Variants in KCNK12 observed in about 807,000 individuals in gnomAD.
KCNK12 encodes potassium channel subfamily K member 12.
In KCNK12, 6 loss-of-function variants were observed where a neutral mutation model predicts 25.3. The observed-to-expected ratio is 0.24, with a 90% CI of 0.13 to 0.47. The LOEUF (loss-of-function observed/expected upper bound fraction) is 0.47. KCNK12 is among the 20% of genes least tolerant of loss of function. KCNK12 has a pLI of 0.99. For synonymous variants in KCNK12, 331 were observed against 311.1 expected, an observed-to-expected ratio of 1.06 and a Z score of -0.67; for missense variants, 444 against 661.7, an observed-to-expected ratio of 0.67 and a Z score of 3.61.
chr2:47,550,378 CT>C (rs746872422), intron 1 of KCNK12, among the ~76,000 whole-genome samples: 62 of 103,174 alleles, frequency 6.0e-4, no homozygotes, highest in Admixed American at 1.3e-3. Context: ...TATTCACAGA[CT>C]TTTTTTTTTT....
chr2:47,554,951 A>T (rs865913681), intron 1 of KCNK12, among the ~76,000 whole-genome samples: 1 of 152,194 alleles, frequency 6.6e-6, no homozygotes, highest in Admixed American at 6.5e-5. Context: ...AAAAAGAGGA[A>T]TCAGGACAAC....
intron 1 of KCNK12, among the ~76,000 whole-genome samples, chr2:47,545,350 G>C (rs576987732): frequency 6.6e-6 from 1 of 152,220 alleles, no homozygotes; most frequent in Non-Finnish European, 1.5e-5. Context: ...GCTGCAGTGA[G>C]GGTAGCATTA....
intron 1 of KCNK12, among the ~76,000 whole-genome samples, chr2:47,522,279 A>C (rs1218502612): frequency 6.6e-6 from 1 of 152,160 alleles, no homozygotes; most frequent in East Asian, 1.9e-4. Flanking sequence ...GTGAATTACA[A>C]ATATTTACAT....
Position 47,569,915 on chromosome 2 carries a change from A to G in KCNK12, c.391+26T>C. The G allele has an allele frequency of 5.3e-6, 7 of 1,332,078 alleles. No individual in the cohort carries two copies. The highest frequency in any genetic ancestry group is 6.8e-6 in the Non-Finnish European group (7 of 1,034,426). 82.5% of individuals were successfully genotyped at this position (1,332,078 alleles called of 1,614,324 possible). On this transcript the variant is annotated intron_variant, in intron 1 of 1. Coordinates refer to ENST00000327876, the MANE Select transcript of KCNK12 (RefSeq NM_022055.2). The surrounding 1 kb of genome is among the most constrained non-coding windows in gnomAD (Gnocchi z 4.1). ...GGCAGGTGAAAGGCACAGAGAGGAA[A>G]GATGCGCGGGGGACGCGCCGCTCAC...
intron 1 of KCNK12, 61 bp from the exon 2 acceptor site, chr2:47,521,869 G>T: frequency 1.4e-6 from 2 of 1,411,680 alleles, no homozygotes; most frequent in Non-Finnish European, 9.3e-7. Flanking sequence ...CACTGGGCGA[G>T]GGTGGGGGGT....
At position 47,556,772 on chromosome 2, in the gene KCNK12, C is replaced by CCT. The variant is rs1669558729; in HGVS notation, c.391+13167_391+13168dup. Reference sequence around the variant, plus strand: ...AAAATAAGAGTGGGAGTGTAAAGGACCTGTAGGTCTTACAGCCAAAGGATT... The same window carrying CCT: ...AAAATAAGAGTGGGAGTGTAAAGGACCTCTGTAGGTCTTACAGCCAAAGGATT... On this transcript the variant is annotated intron_variant, in intron 1 of 1. Coordinates refer to ENST00000327876, the MANE Select transcript of KCNK12 (RefSeq NM_022055.2). The surrounding 1 kb of genome is among the most constrained non-coding windows in gnomAD (Gnocchi z 4.8). Among the ~76,000 whole-genome samples the CCT allele has an allele frequency of 6.6e-6, 1 of 152,070 alleles. No individual in the cohort carries two copies.
Position 47,511,809 on chromosome 2 carries a change from A to G in KCNK12, c.*9098T>C, listed in dbSNP as rs912562353. On this transcript the variant is annotated 3_prime_UTR_variant, in exon 2 of 2. Coordinates refer to ENST00000327876, the MANE Select transcript of KCNK12 (RefSeq NM_022055.2). This position sits in a 1 kb window ranked among gnomAD's most constrained non-coding sequence, Gnocchi z 4.3. The stretch of plus-strand genomic sequence containing the variant: ...CTGCGTTGTAGACTTTTCTGCAGTG[A>G]CAGAAATGTTCTATATCTGTGCTAT... Among the ~76,000 whole-genome samples the G allele has an allele frequency of 5.3e-5, 8 of 152,328 alleles. No homozygotes were observed. Among genetic ancestry groups the G allele is most frequent in the African/African-American group, 9.6e-5 (4 of 41,574 alleles).
rs1197551040 is a variant in KCNK12 at position 47,512,374 on chromosome 2, A to T, written c.*8533T>A. On this transcript the variant is annotated 3_prime_UTR_variant, in exon 2 of 2. Coordinates refer to ENST00000327876, the MANE Select transcript of KCNK12 (RefSeq NM_022055.2). ...CATGGAAAAGGAAACTTCGTGGGGGAAAGAGATCTGCTTGCAGTCGGCCAG... is the reference window on the plus strand; with the variant it reads ...CATGGAAAAGGAAACTTCGTGGGGGTAAGAGATCTGCTTGCAGTCGGCCAG... 11 of 1,612,178 alleles carry T rather than the reference A, an allele frequency of 6.8e-6. No individual in the cohort carries two copies. Among genetic ancestry groups the T allele is most frequent in the Non-Finnish European group, 9.3e-6 (11 of 1,179,658 alleles).
At position 47,513,907 on chromosome 2, in the gene KCNK12, C is replaced by T. The variant is rs1277628293; in HGVS notation, c.*7000G>A. ...CTCACTAGCACTACCTTGGTCCACC[C>T]TGCCATCTGCTTTCCTCCTCCACTC... On this transcript the variant is annotated 3_prime_UTR_variant, in exon 2 of 2. Coordinates refer to ENST00000327876, the MANE Select transcript of KCNK12 (RefSeq NM_022055.2). 6.6e-6 allele frequency among the ~76,000 whole-genome samples: 1 copy of T among 152,206 alleles called. No individual in the cohort carries two copies. Among genetic ancestry groups the T allele is most frequent in the East Asian group, 1.9e-4 (1 of 5,188 alleles).
At chr2:47,542,013 C>G (rs1174972062) in intron 1 of KCNK12, among the ~76,000 whole-genome samples, 4 of 152,100 alleles carry the variant, frequency 2.6e-5, no homozygotes, top group Admixed American at 2.6e-4. Flanking sequence ...AGCAGGGAGC[C>G]CAGGATGCAA....
At position 47,512,192 on chromosome 2, in the gene KCNK12, A is replaced by T; in HGVS notation, c.*8715T>A. The T allele has an allele frequency of 7.6e-7, 1 of 1,316,522 alleles. No homozygotes were observed. Among genetic ancestry groups the T allele is most frequent in the Non-Finnish European group, 1.0e-6 (1 of 971,452 alleles). 81.6% of individuals were successfully genotyped at this position (1,316,522 alleles called of 1,614,324 possible). A position where few individuals can be genotyped will look rare whatever the true frequency, so the allele number is the denominator to read the frequency against. ...CAGTCCATGGAGAAAAAAGAATTGA[A>T]CAAACTGTCTAAGCTGGGTCAGGTA... is the stretch of plus-strand genomic sequence containing the variant. On this transcript the variant is annotated 3_prime_UTR_variant, in exon 2 of 2. Coordinates refer to ENST00000327876, the MANE Select transcript of KCNK12 (RefSeq NM_022055.2).
rs1572607857 is a variant in KCNK12, at chr2:47,557,532, C to T, written c.391+12409G>A. 6.6e-6 allele frequency among the ~76,000 whole-genome samples: 1 copy of T among 152,070 alleles called. No homozygotes were observed. Among genetic ancestry groups the T allele is most frequent in the African/African-American group, 2.4e-5 (1 of 41,408 alleles). On this transcript the variant is annotated intron_variant, in intron 1 of 1. Coordinates refer to ENST00000327876, the MANE Select transcript of KCNK12 (RefSeq NM_022055.2). This position sits in a 1 kb window ranked among gnomAD's most constrained non-coding sequence, Gnocchi z 4.9. Reference sequence around the variant, plus strand: ...AAATTCATACCCAAGACCAGGGCCCCCAGCATTCTCTCCCTAACCACTACA... The same window carrying T: ...AAATTCATACCCAAGACCAGGGCCCTCAGCATTCTCTCCCTAACCACTACA...
chr2:47,527,605 T>G (rs1403840692), intron 1 of KCNK12: 1 of 152,364 alleles, frequency 6.6e-6, no homozygotes. Context: ...GGGCCTCTTC[T>G]GACTCCTCCA....
In KCNK12 at chr2:47,570,199, G is replaced by T. The variant is rs1273509582; in HGVS notation, c.133C>A (p.Leu45Ile). 1 of 1,498,398 alleles carries T rather than the reference G, an allele frequency of 6.7e-7. No individual in the cohort carries two copies. The highest frequency in any genetic ancestry group is 8.9e-7 in the Non-Finnish European group (1 of 1,128,462). 92.8% of individuals were successfully genotyped at this position (1,498,398 alleles called of 1,614,324 possible). The change falls in exon 1 of 2, where the codon CTC becomes ATC. Residue 45 changes from leucine to isoleucine, a missense_variant. Leu to Ile is a conservative substitution (Grantham distance 5). Coordinates refer to ENST00000327876, the MANE Select transcript of KCNK12 (RefSeq NM_022055.2). Reference protein sequence around the residue: ...DTGRFVLLAALIGLYLVAGAT... With the variant: ...DTGRFVLLAAIIGLYLVAGAT... ...CCCGCCACCAGGTAGAGGCCGATGA[G>T]CGCCGCCAGCAGCACGAAGCGGCCG...
chr2:47,539,506 C>CTCCCT, intron 1 of KCNK12, among the ~76,000 whole-genome samples: 2 of 152,020 alleles, frequency 1.3e-5, no homozygotes, highest in Middle Eastern at 3.4e-3. Context: ...CAAAAGGGGA[C>CTCCCT]TAAGGAAGGG....
chr2:47,556,151 G>A lies in KCNK12; in HGVS notation c.391+13790C>T, dbSNP rs1324740290. Among the ~76,000 whole-genome samples, 1 of 152,168 alleles carries A rather than the reference G, an allele frequency of 6.6e-6. No individual in the cohort carries two copies. The highest frequency in any genetic ancestry group is 2.4e-5 in the African/African-American group (1 of 41,436). On this transcript the variant is annotated intron_variant, in intron 1 of 1. Transcript: ENST00000327876. The surrounding 1 kb of genome is among the most constrained non-coding windows in gnomAD (Gnocchi z 4.8). The stretch of plus-strand genomic sequence containing the variant: ...GAAAGTAGCAGGAGGGTGATGCAGG[G>A]TCTATTAAGAAGGAAGAATATACAT...
At chr2:47,550,378 C>CTTTTTTT (rs746872422) in intron 1 of KCNK12, among the ~76,000 whole-genome samples, 4 of 103,176 alleles carry the variant, frequency 3.9e-5, no homozygotes, top group Non-Finnish European at 5.5e-5. Context: ...TATTCACAGA[C>CTTTTTTT]TTTTTTTTTT....
Position 47,519,136 on chromosome 2 carries a change from G to T in KCNK12, c.*1771C>A, listed in dbSNP as rs1156739156. 1 of 152,164 alleles carries T rather than the reference G, an allele frequency of 6.6e-6. No homozygotes were observed. Among genetic ancestry groups the T allele is most frequent in the Non-Finnish European group, 1.5e-5 (1 of 68,040 alleles). 9.4% of individuals were successfully genotyped at this position (152,164 alleles called of 1,614,324 possible). On this transcript the variant is annotated 3_prime_UTR_variant, in exon 2 of 2. Coordinates refer to ENST00000327876, the MANE Select transcript of KCNK12 (RefSeq NM_022055.2). The stretch of plus-strand genomic sequence containing the variant: ...CTTCACTGGCTTCACCCCAGATTAG[G>T]GCCTGTGTTTAAAAACCAATCCCAA...
intron 1 of KCNK12, among the ~76,000 whole-genome samples, chr2:47,539,729 G>A (rs191610466): frequency 6.6e-6 from 1 of 152,348 alleles, no homozygotes; most frequent in Non-Finnish European, 1.5e-5. Flanking sequence ...GCCAGACTGC[G>A]AAGGGCTGCA....
Sources: gnomAD v4.1 joint callset for allele counts (sites outside exome capture counted in the v4.1 genomes callset) on GRCh38, gnomAD v4.1.1 for gene constraint, Gnocchi (gnomAD v3.1) non-coding constraint, MANE v1.5 for transcripts, NCBI Gene and HGNC (gene_info 2026-07-23, HGNC 2026-07-21) for gene names.